CAGE1: variants seen among roughly 807,000 people sequenced by gnomAD.
The protein encoded by CAGE1 is cancer antigen 1, also known as cancer-associated gene 1 protein.
CAGE1 carries 66 observed loss-of-function variants against 94.9 expected under a neutral mutation model. That is an observed-to-expected ratio of 0.70 (90% CI 0.57 to 0.85). The LOEUF (loss-of-function observed/expected upper bound fraction) is 0.85. Ranked by LOEUF, CAGE1 falls within the 40% of genes least tolerant of loss-of-function variation. The probability of loss-of-function intolerance (pLI) is 0.00; values close to 1 mark genes in which losing one functional copy is unlikely to be tolerated. For synonymous variants in CAGE1, 319 were observed against 321.0 expected (o/e 0.99, Z 0.07); for missense variants, 865 against 950.4 (o/e 0.91, Z 1.18).
At position 7,358,042 on chromosome 6, in the gene CAGE1, A is replaced by C; in HGVS notation, c.2194-1913T>G. Reference sequence around the variant, plus strand: ...TAAGTTTTGAGATATATATATATATATATATATATATATATATATATATAT... The same window carrying C: ...TAAGTTTTGAGATATATATATATATCTATATATATATATATATATATATAT... On this transcript the variant is annotated intron_variant, in intron 9 of 13. Coordinates refer to ENST00000502583, the MANE Select transcript of CAGE1 (RefSeq NM_001170692.2). 2.0e-5 allele frequency among the ~76,000 whole-genome samples: 2 copies of C among 101,318 alleles called. 1 individual carries two copies. The highest frequency in any genetic ancestry group is 7.1e-4 in the South Asian group (2 of 2,836). 66.5% of individuals were successfully genotyped at this position (101,318 alleles called of 152,430 possible). A position where few individuals can be genotyped will look rare whatever the true frequency, so the allele number is the denominator to read the frequency against.
At chr6:7,348,440 C>T (rs752314768) in intron 11 of CAGE1, among the ~76,000 whole-genome samples, 2 of 152,170 alleles carry the variant, frequency 1.3e-5, no homozygotes, top group Non-Finnish European at 2.9e-5. Flanking sequence ...TGGACCTTCC[C>T]TCTGACAAAG....
chr6:7,339,882 A>G lies in CAGE1; in HGVS notation c.2370-5792T>C, dbSNP rs914535883. 4.6e-5 allele frequency among the ~76,000 whole-genome samples: 7 copies of G among 152,238 alleles called. No individual in the cohort carries two copies. The highest frequency in any genetic ancestry group is 8.8e-5 in the Non-Finnish European group (6 of 68,052). On this transcript the variant is annotated intron_variant, in intron 11 of 13. Transcript: ENST00000502583. The surrounding 1 kb of genome is among the most constrained non-coding windows in gnomAD (Gnocchi z 4.7). The stretch of plus-strand genomic sequence containing the variant: ...TCAAATTGTGCTGCTATAAACATGC[A>G]TGTGCAAGTATCTTTTTTGAATAAT...
chr6:7,372,621 T>A (rs1031298336), intron 5 of CAGE1, among the ~76,000 whole-genome samples: 1 of 152,128 alleles, frequency 6.6e-6, no homozygotes, highest in African/African-American at 2.4e-5. Flanking sequence ...CAAAAGAAAC[T>A]TCTCCAAACC....
At chr6:7,344,833 T>C (rs940676936) in intron 11 of CAGE1, among the ~76,000 whole-genome samples, 2 of 152,228 alleles carry the variant, frequency 1.3e-5, no homozygotes, top group African/African-American at 4.8e-5. Flanking sequence ...CAACACTCTG[T>C]ATCTAGCTAT....
At chr6:7,388,645 C>A (rs530144094) in intron 1 of CAGE1, among the ~76,000 whole-genome samples, 70 of 152,320 alleles carry the variant, frequency 4.6e-4, no homozygotes, top group Non-Finnish European at 8.8e-5. Context: ...ATAGTCATTA[C>A]TCATCTGCCT....
intron 4 of CAGE1, 115 bp downstream of exon 4, chr6:7,378,502 G>A: frequency 2.5e-6 from 2 of 811,944 alleles, no homozygotes; most frequent in South Asian, 2.6e-5. Flanking sequence ...TACTCCACAG[G>A]CTTTACTGAC....
At chr6:7,344,497 G>A (rs998239397) in intron 11 of CAGE1, among the ~76,000 whole-genome samples, 6 of 152,230 alleles carry the variant, frequency 3.9e-5, no homozygotes, top group Admixed American at 6.5e-5. Flanking sequence ...CCTGAGCCTC[G>A]CAACCCCTCC....
intron 1 of CAGE1, 59 bp downstream of exon 1, chr6:7,389,143 T>C (rs1322811767): frequency 2.5e-6 from 1 of 396,936 alleles, no homozygotes; most frequent in African/African-American, 2.1e-5. Context: ...GTCACGGGAG[T>C]TACTCGCAAA....
Position 7,341,488 on chromosome 6 carries a change from C to T in CAGE1, c.2370-7398G>A, listed in dbSNP as rs1561849350. ...TCTTGGCAAATTCCAGGTATTCCAT[C>T]GCGAGTCTGAGGAGTAGATGTCACC... On this transcript the variant is annotated intron_variant, in intron 11 of 13. Transcript: ENST00000502583. The T allele has an allele frequency of 5.1e-6, 6 of 1,177,652 alleles. No homozygotes were observed. In the South Asian group the frequency reaches 6.1e-5, roughly 12 times the overall value. The allele number at this position is 1,177,652 out of a possible 1,614,324, so 73.0% of individuals were successfully genotyped here. A position where few individuals can be genotyped will look rare whatever the true frequency, so the allele number is the denominator to read the frequency against.
In CAGE1 at chr6:7,368,719, A is replaced by T; in HGVS notation, c.1973T>A (p.Leu658His). ...SDIMLQKLKS[L>H]HLKKKTLDKE... Reference sequence around the variant, plus strand: ...ATCTAAAGTTTTCTTTTTAAGATGGAGGCTCTTCAGTTTTTGCAGCATTAT... The same window carrying T: ...ATCTAAAGTTTTCTTTTTAAGATGGTGGCTCTTCAGTTTTTGCAGCATTAT... The change falls in exon 7 of 14, where the codon CTC becomes CAC. Residue 658 changes from leucine (L) to histidine (H), a missense_variant. Leu to His is a moderately conservative substitution (Grantham distance 99, BLOSUM62 -3). Transcript: ENST00000502583. 1 of 1,542,310 alleles carries T rather than the reference A, an allele frequency of 6.5e-7. No individual in the cohort carries two copies. The highest frequency in any genetic ancestry group is 8.8e-7 in the Non-Finnish European group (1 of 1,141,484).
chr6:7,327,031 C>T, intron 13 of CAGE1, 132 bp from the exon 14 acceptor site: 2 of 686,846 alleles, frequency 2.9e-6, no homozygotes, highest in Non-Finnish European at 5.2e-6. Flanking sequence ...TAGATGAATT[C>T]CACAGATAAT....
At chr6:7,345,442 C>T (rs984580024) in intron 11 of CAGE1, among the ~76,000 whole-genome samples, 5 of 152,190 alleles carry the variant, frequency 3.3e-5, no homozygotes, top group African/African-American at 1.2e-4. Flanking sequence ...TGGTTTCATT[C>T]TTGAAGTGAG....
At chr6:7,363,325 G>A (rs1290833855) in intron 9 of CAGE1, among the ~76,000 whole-genome samples, 1 of 151,836 alleles carries the variant, frequency 6.6e-6, no homozygotes, top group Non-Finnish European at 1.5e-5. Flanking sequence ...AAACAAAATG[G>A]TACCACTATC....
chr6:7,327,268 G>A (rs1758570600), intron 13 of CAGE1, among the ~76,000 whole-genome samples: 2 of 152,084 alleles, frequency 1.3e-5, no homozygotes, highest in Non-Finnish European at 2.9e-5. Context: ...GGCCAGGCTA[G>A]TCTCGAACCC....
At chr6:7,361,220 G>A (rs1760155206) in intron 9 of CAGE1, among the ~76,000 whole-genome samples, 1 of 152,150 alleles carries the variant, frequency 6.6e-6, no homozygotes, top group South Asian at 2.1e-4. Flanking sequence ...CTCTAAGGAA[G>A]TTCTCATCCA....
chr6:7,345,333 C>A (rs1264596287), intron 11 of CAGE1, among the ~76,000 whole-genome samples: 1 of 150,700 alleles, frequency 6.6e-6, no homozygotes, highest in Non-Finnish European at 1.5e-5. Flanking sequence ...ACCACTAAAC[C>A]CAGCAGGATG....
Position 7,387,124 on chromosome 6 carries a change from T to C in CAGE1, c.50A>G (p.His17Arg), listed in dbSNP as rs1258818475. ...TTCATGAGAAGTATCCACTTCAAAA[T>C]GTACAGGATCTGAAGGTGATGACCA... Reference protein sequence around the residue: ...KFWSSPSDPVHFEVDTSHEKV... With the variant: ...KFWSSPSDPVRFEVDTSHEKV... The change falls in exon 2 of 14, where the codon CAT becomes CGT. Residue 17 changes from histidine (H) to arginine (R), a missense_variant. Transcript: ENST00000502583. 1.3e-5 allele frequency: 20 copies of C among 1,551,418 alleles called. No individual in the cohort carries two copies. The East Asian group carries it at 4.2e-4, about 32-fold the overall frequency.
rs139231820 is a variant in CAGE1 at position 7,387,055 on chromosome 6, T to C, written c.119A>G (p.Asn40Ser). 1.0e-5 allele frequency: 16 copies of C among 1,551,938 alleles called. No individual in the cohort carries two copies. The highest frequency in any genetic ancestry group is 2.7e-5 in the African/African-American group (2 of 73,164). ...TGAAAGCATTACACCTTGAGAAAGA[T>C]TGCTGACATTCATGGTATCCGATTC... The part of the protein sequence containing the change: ...MSESDTMNVS[N>S]LSQGVMLSHS... The change falls in exon 2 of 14, where the codon AAT becomes AGT. Residue 40 changes from asparagine to serine, a missense_variant. Coordinates refer to ENST00000502583, the MANE Select transcript of CAGE1 (RefSeq NM_001170692.2).
chr6:7,366,106 C>T (rs1289104323), intron 7 of CAGE1, among the ~76,000 whole-genome samples: 1 of 151,962 alleles, frequency 6.6e-6, no homozygotes, highest in Non-Finnish European at 1.5e-5. Flanking sequence ...ATTATCCGGG[C>T]ATGGTGGCTG....
Sources: allele counts gnomAD v4.1 joint callset (sites outside exome capture counted in the v4.1 genomes callset), GRCh38; gene constraint gnomAD v4.1.1; non-coding constraint Gnocchi (gnomAD v3.1); transcripts MANE v1.5; gene names NCBI Gene and HGNC (gene_info 2026-07-23, HGNC 2026-07-21).